The following LRP1B variants were observed in gnomAD, a reference collection of about 807,000 sequenced individuals.
The protein encoded by LRP1B is low-density lipoprotein receptor-related protein 1B.
A neutral mutation model predicts 556.6 loss-of-function variants in LRP1B; 217 were observed. The observed-to-expected ratio is 0.39, with a 90% CI of 0.35 to 0.44. The LOEUF is 0.44. LRP1B is among the 20% of genes least tolerant of loss of function. LRP1B has a pLI of 1.00. For synonymous variants in LRP1B, 2,047 were observed against 1,865.8 expected (o/e 1.10, Z -2.50); for missense variants, 5,053 against 5,620.8 (o/e 0.90, Z 3.23).
intron 6 of LRP1B, among the ~76,000 whole-genome samples, chr2:141,223,747 A>T (rs775601950): frequency 7.9e-5 from 12 of 152,166 alleles, no homozygotes; most frequent in Admixed American, 1.3e-4. Flanking sequence ...CAACCATTAG[A>T]TCTTTGACAA....
intron 65 of LRP1B, among the ~76,000 whole-genome samples, chr2:140,444,085 A>T (rs1686547220): frequency 6.6e-6 from 1 of 152,202 alleles, no homozygotes; most frequent in Admixed American, 6.5e-5. Context: ...GATGTGGATG[A>T]ATGAATGTTG....
chr2:140,680,279 C>A (rs1023244116), intron 41 of LRP1B, among the ~76,000 whole-genome samples: 2 of 152,214 alleles, frequency 1.3e-5, no homozygotes, highest in African/African-American at 4.8e-5. Flanking sequence ...TAAATGTATA[C>A]GTGCACCGGA....
At chr2:141,297,956 G>GTT (rs1052393745) in intron 3 of LRP1B, among the ~76,000 whole-genome samples, 7 of 152,126 alleles carry the variant, frequency 4.6e-5, no homozygotes, top group African/African-American at 1.7e-4. Flanking sequence ...CTAGGTCTGT[G>GTT]TAAGTACACT....
At chr2:141,359,970 AG>A (rs1013742623) in intron 3 of LRP1B, among the ~76,000 whole-genome samples, 7 of 151,472 alleles carry the variant, frequency 4.6e-5, no homozygotes, top group Admixed American at 1.3e-4. Flanking sequence ...ACAAAACTGT[AG>A]AAATATAGAA....
chr2:141,423,080 G>A (rs530919917), intron 3 of LRP1B, among the ~76,000 whole-genome samples: 144 of 152,198 alleles, frequency 9.5e-4, no homozygotes, highest in African/African-American at 3.3e-3. Flanking sequence ...TGTAAAAGGC[G>A]AAGAGGAGAA....
chr2:141,484,077 T>C (rs1249711326), intron 2 of LRP1B, among the ~76,000 whole-genome samples: 1 of 152,182 alleles, frequency 6.6e-6, no homozygotes, highest in African/African-American at 2.4e-5. Flanking sequence ...GGTTTTCTTC[T>C]AGGGTTTTTA....
At chr2:140,478,251 G>A (rs902576307) in intron 59 of LRP1B, among the ~76,000 whole-genome samples, 12 of 146,418 alleles carry the variant, frequency 8.2e-5, no homozygotes, top group Non-Finnish European at 1.6e-4. Flanking sequence ...CCGGGTTCAC[G>A]CCATTCTCCT....
At chr2:141,903,527 G>T (rs951915751) in intron 1 of LRP1B, among the ~76,000 whole-genome samples, 1 of 151,770 alleles carries the variant, frequency 6.6e-6, no homozygotes, top group Non-Finnish European at 1.5e-5. Context: ...GAAAATACCA[G>T]CAAGAAAAGA....
chr2:141,817,201 T>G (rs1216328981), intron 1 of LRP1B, among the ~76,000 whole-genome samples: 1 of 152,194 alleles, frequency 6.6e-6, no homozygotes, highest in African/African-American at 2.4e-5. Flanking sequence ...AATCTTATTT[T>G]AAATGTTTTC....
chr2:141,931,837 T>C (rs539685596), intron 1 of LRP1B, among the ~76,000 whole-genome samples: 9 of 152,162 alleles, frequency 5.9e-5, no homozygotes, highest in Middle Eastern at 6.8e-3. Context: ...AAGATTAGTA[T>C]GGAAACGGCA....
At chr2:141,791,962 A>G (rs1394261611) in intron 2 of LRP1B, among the ~76,000 whole-genome samples, 1 of 151,952 alleles carries the variant, frequency 6.6e-6, no homozygotes, top group Non-Finnish European at 1.5e-5. Context: ...TCAAAATGCC[A>G]TTAACTTCGG....
At chr2:141,433,940 G>A (rs1680662585) in intron 3 of LRP1B, among the ~76,000 whole-genome samples, 1 of 149,046 alleles carries the variant, frequency 6.7e-6, no homozygotes, top group African/African-American at 2.5e-5. Context: ...CTATCTAATG[G>A]TCTCTATTCT....
At chr2:140,246,723 T>A (rs906970118) in intron 87 of LRP1B, among the ~76,000 whole-genome samples, 2 of 151,504 alleles carry the variant, frequency 1.3e-5, no homozygotes, top group African/African-American at 4.8e-5. Context: ...CAATACACTT[T>A]GCTCTAATTA....
chr2:140,945,946 T>G (rs373588804), intron 20 of LRP1B, among the ~76,000 whole-genome samples: 2 of 152,262 alleles, frequency 1.3e-5, no homozygotes, highest in East Asian at 1.9e-4. Context: ...GGCAAGTCTT[T>G]GCAAACTACA....
At chr2:140,255,818 T>C (rs992704849) in intron 86 of LRP1B, among the ~76,000 whole-genome samples, 6 of 152,312 alleles carry the variant, frequency 3.9e-5, no homozygotes, top group Admixed American at 2.0e-4. Context: ...ATCAGTCATT[T>C]CTCACTGAAA....
Position 140,364,725 on chromosome 2 carries a change from A to G in LRP1B, c.11067T>C (p.His3689=). ...CGTCCTCTCCATCACACACCCAGAA[A>G]TGTAGTTTGCAGAGAGAATTATTGC... ...FLCNNSLCKL[H]FWVCDGEDDC... is the part of the protein sequence containing the mutation. Residue 3689 remains histidine, a synonymous_variant, in exon 72 of 91, where the codon CAT becomes CAC. Coordinates refer to ENST00000389484, the MANE Select transcript of LRP1B (RefSeq NM_018557.3). The G allele has an allele frequency of 1.2e-6, 2 of 1,610,306 alleles. No individual in the cohort carries two copies. Among genetic ancestry groups the G allele is most frequent in the Non-Finnish European group, 1.7e-6 (2 of 1,177,438 alleles).
At chr2:141,335,543 A>C (rs1687817549) in intron 3 of LRP1B, among the ~76,000 whole-genome samples, 1 of 152,214 alleles carries the variant, frequency 6.6e-6, no homozygotes, top group Non-Finnish European at 1.5e-5. Context: ...AATTTTAAGC[A>C]AAATAAGATA....
intron 31 of LRP1B, among the ~76,000 whole-genome samples, chr2:140,819,877 A>G (rs1182127718): frequency 6.6e-6 from 1 of 152,186 alleles, no homozygotes; most frequent in Non-Finnish European, 1.5e-5. Context: ...CTAGGAAACA[A>G]TTTGACATTT....
chr2:141,926,920 C>T (rs866961671), intron 1 of LRP1B, among the ~76,000 whole-genome samples: 3 of 151,982 alleles, frequency 2.0e-5, no homozygotes, highest in Admixed American at 6.6e-5. Context: ...AATGTATGTA[C>T]ATATGATACA....
Sources: gnomAD v4.1 joint callset for allele counts (sites outside exome capture counted in the v4.1 genomes callset) on GRCh38, gnomAD v4.1.1 for gene constraint, MANE v1.5 for transcripts, NCBI Gene and HGNC (gene_info 2026-07-23, HGNC 2026-07-21) for gene names.